EPB41L3: variants seen among roughly 807,000 people sequenced by gnomAD.
The protein encoded by EPB41L3 is erythrocyte membrane protein band 4.1 like 3, also known as band 4.1-like protein 3.
EPB41L3 carries 57 observed loss-of-function variants against 127.1 expected under a neutral mutation model. The observed-to-expected ratio is 0.45, with a 90% CI of 0.36 to 0.56. The LOEUF (loss-of-function observed/expected upper bound fraction) is 0.56, where lower values mean the gene tolerates loss of function less well. Among genes scored for constraint, EPB41L3 ranks in the 20% least tolerant of loss-of-function variants. The pLI, the probability that EPB41L3 is intolerant of heterozygous loss-of-function variation, is 0.00. For synonymous variants in EPB41L3, 572 were observed against 549.5 expected, an observed-to-expected ratio of 1.04 and a Z score of -0.57; for missense variants, 1,273 against 1,372.2, an observed-to-expected ratio of 0.93 and a Z score of 1.14.
rs900130272 is a variant in EPB41L3 at position 5,499,751 on chromosome 18, A to G, written c.-11-10557T>C. Reference sequence around the variant, plus strand: ...CACTGCACTCAAGCCTGGGCGACAGAGCAAGACTCTGTCTCAAAATAAAAA... The same window carrying G: ...CACTGCACTCAAGCCTGGGCGACAGGGCAAGACTCTGTCTCAAAATAAAAA... On this transcript the variant is annotated intron_variant, in intron 1 of 22. Coordinates refer to ENST00000341928, the MANE Select transcript of EPB41L3 (RefSeq NM_012307.5). Among the ~76,000 whole-genome samples the G allele has an allele frequency of 4.0e-5, 6 of 151,820 alleles. No homozygotes were observed. The East Asian group carries it at 1.2e-3, about 29-fold the overall frequency.
intron 1 of EPB41L3, among the ~76,000 whole-genome samples, chr18:5,528,373 A>G (rs1277018175): frequency 6.6e-6 from 1 of 151,758 alleles, no homozygotes; most frequent in Non-Finnish European, 1.5e-5. Flanking sequence ...GTGGGGTCTC[A>G]CTATTTTGCT....
chr18:5,558,194 T>C (rs1024689016), intron 3 of EPB41L3, among the ~76,000 whole-genome samples: 11 of 152,230 alleles, frequency 7.2e-5, no homozygotes, highest in Admixed American at 2.0e-4. Flanking sequence ...CTTATCTGCA[T>C]GGATTTTTAC....
chr18:5,475,738 C>T (rs960124353), intron 3 of EPB41L3, among the ~76,000 whole-genome samples: 14 of 152,202 alleles, frequency 9.2e-5, no homozygotes, highest in Non-Finnish European at 2.9e-5. Flanking sequence ...AGCTTTCCTG[C>T]TTTGCTTCAG....
rs561728261 is a variant in EPB41L3 at position 5,421,797 on chromosome 18, T to C, written c.1339+1581A>G. ...TATGCAAAGGCACAGAGTAATATAA[T>C]GGACACTGGAGACTCAGAAGGCAGA... On this transcript the variant is annotated intron_variant, in intron 11 of 22. Transcript: ENST00000341928. Among the ~76,000 whole-genome samples the C allele has an allele frequency of 1.4e-4, 22 of 152,202 alleles. No homozygotes were observed. In the South Asian group the frequency reaches 4.6e-3, roughly 32 times the overall value.
Position 5,393,419 on chromosome 18 carries a change from A to T in EPB41L3, c.*66T>A. The T allele has an allele frequency of 1.4e-6, 1 of 697,352 alleles. No homozygotes were observed. The highest frequency in any genetic ancestry group is 2.6e-6 in the Non-Finnish European group (1 of 383,052). The allele number at this position is 697,352 out of a possible 1,614,324, so 43.2% of individuals were successfully genotyped here. A position where few individuals can be genotyped will look rare whatever the true frequency, so the allele number is the denominator to read the frequency against. On this transcript the variant is annotated 3_prime_UTR_variant, in exon 23 of 23. Coordinates refer to ENST00000341928, the MANE Select transcript of EPB41L3 (RefSeq NM_012307.5). Reference sequence around the variant, plus strand: ...GTTGGGTTAGAAGAGGGAACTCCATATAGGCTCTGGTTTTCCTAACGGTTT... The same window carrying T: ...GTTGGGTTAGAAGAGGGAACTCCATTTAGGCTCTGGTTTTCCTAACGGTTT...
At chr18:5,531,669 C>T (rs1028162837) in intron 1 of EPB41L3, among the ~76,000 whole-genome samples, 10 of 135,854 alleles carry the variant, frequency 7.4e-5, no homozygotes, top group East Asian at 6.9e-4. Flanking sequence ...GTAGAGGTTG[C>T]GGTGAGCCAA....
Position 5,424,248 on chromosome 18 carries a change from T to C in EPB41L3, c.1163+14A>G. The C allele has an allele frequency of 1.3e-6, 2 of 1,534,616 alleles. No homozygotes were observed. Among genetic ancestry groups the C allele is most frequent in the Non-Finnish European group, 1.8e-6 (2 of 1,141,780 alleles). ...ATTATTCCTTAGGGAAAAAACAAAA[T>C]AATCTCTTCCTACCTGAAAAATGTA... On this transcript the variant is annotated intron_variant, in intron 10 of 22. Transcript: ENST00000341928.
chr18:5,460,824 T>C (rs999767910), intron 3 of EPB41L3, among the ~76,000 whole-genome samples: 2 of 152,198 alleles, frequency 1.3e-5, no homozygotes, highest in Non-Finnish European at 2.9e-5. Flanking sequence ...TTTTGTGGAT[T>C]AACCTCATGC....
intron 3 of EPB41L3, among the ~76,000 whole-genome samples, chr18:5,557,523 T>G (rs1033354072): frequency 6.6e-6 from 1 of 152,132 alleles, no homozygotes; most frequent in African/African-American, 2.4e-5. Flanking sequence ...TAGCTGGAAT[T>G]ACAGGCGTGT....
chr18:5,416,318 T>C lies in EPB41L3; in HGVS notation c.1567A>G (p.Thr523Ala), dbSNP rs753344299. 2 of 1,613,468 alleles carry C rather than the reference T, an allele frequency of 1.2e-6. No individual in the cohort carries two copies. Among genetic ancestry groups the C allele is most frequent in the South Asian group, 1.1e-5 (1 of 91,014 alleles). ...CTCCTACGGAGCTCTGTGGGAGATG[T>C]GGGGGCACAATGGGTGGATGGGGGT... is the stretch of plus-strand genomic sequence containing the variant. ...LSPPSTHCAP[T>A]SPTELRRRCK... Residue 523 changes from threonine to alanine, a missense_variant, in exon 13 of 23, where the codon ACA becomes GCA. Physicochemically the swap from Thr to Ala is moderately conservative, Grantham distance 58. Around this residue, in one of 3 missense-constraint regions of EPB41L3, gnomAD observed 765 missense variants for 782.9 expected, o/e 0.98. Transcript: ENST00000341928.
At chr18:5,620,915 G>A (rs564551124) in intron 1 of EPB41L3, among the ~76,000 whole-genome samples, 2 of 152,166 alleles carry the variant, frequency 1.3e-5, no homozygotes, top group East Asian at 3.9e-4. Context: ...TTACTCCTTT[G>A]CAATAAGATC....
chr18:5,591,815 A>C (rs2094488944), intron 3 of EPB41L3, among the ~76,000 whole-genome samples: 1 of 152,222 alleles, frequency 6.6e-6, no homozygotes, highest in Non-Finnish European at 1.5e-5. Flanking sequence ...AAAATATTTC[A>C]ATCTACCATT....
intron 3 of EPB41L3, among the ~76,000 whole-genome samples, chr18:5,459,296 A>C (rs2083582714): frequency 1.3e-5 from 2 of 152,198 alleles, no homozygotes; most frequent in South Asian, 4.1e-4. Context: ...TATAGCTCTG[A>C]AATATTGCCT....
rs118167100 is a variant in EPB41L3, at chr18:5,487,682, T to A, written c.183+1319A>T. The stretch of plus-strand genomic sequence containing the variant: ...AATTTTTGTATTGGGCCCGGCTGTC[T>A]CAAACTCCTGACCTCAGGTGATCCG... On this transcript the variant is annotated intron_variant, in intron 2 of 22. Transcript: ENST00000341928. Among the ~76,000 whole-genome samples, 115 of 151,310 alleles carry A rather than the reference T, an allele frequency of 7.6e-4. 1 individual carries two copies. In the East Asian group the frequency reaches 0.019, roughly 25 times the overall value.
intron 1 of EPB41L3, among the ~76,000 whole-genome samples, chr18:5,494,245 C>A (rs1160140338): frequency 6.6e-6 from 1 of 152,166 alleles, no homozygotes; most frequent in African/African-American, 2.4e-5. Flanking sequence ...CCCATTGCAG[C>A]AGGTGGCCTC....
At chr18:5,500,217 G>A (rs909083392) in intron 1 of EPB41L3, among the ~76,000 whole-genome samples, 3 of 152,098 alleles carry the variant, frequency 2.0e-5, no homozygotes, top group Non-Finnish European at 4.4e-5. Context: ...AGAGGAGAGA[G>A]AAAAAGGTAG....
intron 5 of EPB41L3, among the ~76,000 whole-genome samples, chr18:5,439,241 G>C (rs1169652838): frequency 2.0e-5 from 3 of 151,982 alleles, no homozygotes; most frequent in Non-Finnish European, 4.4e-5. Context: ...CCACCGACTT[G>C]CCCTTACTCT....
chr18:5,600,225 A>C (rs994801925), intron 3 of EPB41L3, among the ~76,000 whole-genome samples: 5 of 152,192 alleles, frequency 3.3e-5, no homozygotes, highest in Non-Finnish European at 5.9e-5. Flanking sequence ...AGGCATGGCA[A>C]ACTGTCTCAT....
At chr18:5,462,632 C>T (rs2084224899) in intron 3 of EPB41L3, among the ~76,000 whole-genome samples, 1 of 152,108 alleles carries the variant, frequency 6.6e-6, no homozygotes, top group African/African-American at 2.4e-5. Flanking sequence ...GGGGAAGAAC[C>T]CGAGGGTGGG....
Sources: allele counts gnomAD v4.1 joint callset (sites outside exome capture counted in the v4.1 genomes callset), GRCh38; gene constraint gnomAD v4.1.1; regional missense constraint gnomAD v4.1.1; transcripts MANE v1.5; gene names NCBI Gene and HGNC (gene_info 2026-07-23, HGNC 2026-07-21).